VSTM4: variants seen among roughly 807,000 people sequenced by gnomAD.
The protein encoded by VSTM4 is V-set and transmembrane domain-containing protein 4.
VSTM4 carries 20 observed loss-of-function variants against 36.4 expected under a neutral mutation model. The ratio of observed to expected loss-of-function variants is 0.55; its 90% CI spans 0.39 to 0.80. The LOEUF is 0.80. Among genes scored for constraint, VSTM4 ranks in the 30% least tolerant of loss-of-function variants. The pLI is 0.00. For synonymous variants in VSTM4, 182 were observed against 173.9 expected (o/e 1.05, Z -0.37); for missense variants, 392 against 404.5 (o/e 0.97, Z 0.26).
intron 7 of VSTM4, among the ~76,000 whole-genome samples, chr10:49,036,262 G>A (rs1049727002): frequency 9.9e-5 from 15 of 152,022 alleles, no homozygotes; most frequent in South Asian, 2.1e-4. Flanking sequence ...ATAACTCCCC[G>A]CAACAATAAT....
chr10:49,043,342 G>A lies in VSTM4; in HGVS notation c.837+3641C>T, dbSNP rs867635375. Among the ~76,000 whole-genome samples the A allele has an allele frequency of 2.0e-4, 30 of 152,148 alleles. No homozygotes were observed. The Middle Eastern group carries it at 0.017, about 87-fold the overall frequency. On this transcript the variant is annotated intron_variant, in intron 7 of 7. Transcript: ENST00000332853. ...GTTAAATAAACTATACATTAAAATC[G>A]GTTTCATCTGTTACTTTTCAAACCT...
At position 49,103,531 on chromosome 10, in the gene VSTM4, A is replaced by G. The variant is rs1002136448; in HGVS notation, c.457+4063T>C. On this transcript the variant is annotated intron_variant, in intron 2 of 7. Transcript: ENST00000332853. ...TTACACTATATTACTTTTGCAATAGAAAACAACCAACATATGGAAATCAGG... is the reference window on the plus strand; with the variant it reads ...TTACACTATATTACTTTTGCAATAGGAAACAACCAACATATGGAAATCAGG... 2.3e-6 allele frequency: 3 copies of G among 1,304,898 alleles called. No individual in the cohort carries two copies. In the Admixed American group the frequency reaches 1.1e-4, roughly 47 times the overall value. 80.8% of individuals were successfully genotyped at this position (1,304,898 alleles called of 1,614,324 possible). A position where few individuals can be genotyped will look rare whatever the true frequency, so the allele number is the denominator to read the frequency against.
intron 1 of VSTM4, among the ~76,000 whole-genome samples, chr10:49,110,681 T>C (rs776894673): frequency 7.2e-5 from 11 of 151,958 alleles, no homozygotes; most frequent in Non-Finnish European, 1.0e-4. Context: ...ATGGTCTTTA[T>C]AAGAAGAGGA....
chr10:49,023,087 C>T (rs1210017738), intron 7 of VSTM4, among the ~76,000 whole-genome samples: 2 of 152,194 alleles, frequency 1.3e-5, no homozygotes, highest in Non-Finnish European at 2.9e-5. Context: ...ACTTCAATTA[C>T]TGCTACAAGC....
At chr10:49,091,975 G>A (rs4838445) in intron 2 of VSTM4, among the ~76,000 whole-genome samples, 18,426 of 152,216 alleles carry the variant, frequency 0.12, 1,748 homozygotes, top group African/African-American at 0.26. Context: ...GGCGGGCCAA[G>A]AGGAAGAACG....
chr10:49,043,588 G>A (rs1564571064), intron 7 of VSTM4, among the ~76,000 whole-genome samples: 2 of 151,974 alleles, frequency 1.3e-5, no homozygotes, highest in Non-Finnish European at 2.9e-5. Context: ...GGCAAGTAAA[G>A]GTAATGAAGG....
chr10:49,066,243 C>T (rs1453918150), intron 4 of VSTM4, among the ~76,000 whole-genome samples: 2 of 152,184 alleles, frequency 1.3e-5, no homozygotes, highest in Non-Finnish European at 2.9e-5. Context: ...GCACACCATC[C>T]TGGAGACCTG....
At chr10:49,024,113 G>A (rs986750771) in intron 7 of VSTM4, among the ~76,000 whole-genome samples, 1 of 152,180 alleles carries the variant, frequency 6.6e-6, no homozygotes, top group South Asian at 2.1e-4. Context: ...TCCCAGGGCT[G>A]TTTGGTTTTA....
intron 7 of VSTM4, among the ~76,000 whole-genome samples, chr10:49,041,837 C>CGAT (rs767995683): frequency 6.6e-6 from 1 of 152,142 alleles, no homozygotes; most frequent in Admixed American, 6.5e-5. Flanking sequence ...GAATTAAATA[C>CGAT]GATGACATGC....
chr10:49,060,230 C>T lies in VSTM4; in HGVS notation c.668+4473G>A, dbSNP rs4468265. Among the ~76,000 whole-genome samples, 880 of 152,308 alleles carry T rather than the reference C, an allele frequency of 5.8e-3. 8 individuals are homozygous for T. Among genetic ancestry groups the T allele is most frequent in the Non-Finnish European group, 8.5e-3 (575 of 68,016 alleles). ...GTTCTCTTGGATAGATTCCTATGAGCGGAATTGCTGGGTCATAGGGTAACT... is the reference window on the plus strand; with the variant it reads ...GTTCTCTTGGATAGATTCCTATGAGTGGAATTGCTGGGTCATAGGGTAACT... On this transcript the variant is annotated intron_variant, in intron 5 of 7. Transcript: ENST00000332853.
chr10:49,031,831 C>T (rs529248829), intron 7 of VSTM4, among the ~76,000 whole-genome samples: 2 of 152,260 alleles, frequency 1.3e-5, no homozygotes, highest in Admixed American at 6.5e-5. Context: ...CCACACGTCC[C>T]TCTTGCTGAC....
intron 2 of VSTM4, chr10:49,102,539 C>T: frequency 4.1e-6 from 4 of 985,428 alleles, no homozygotes; most frequent in Non-Finnish European, 4.8e-6. Context: ...AAAACAGAAG[C>T]TACAAGATGT....
intron 2 of VSTM4, 149 bp from the exon 3 acceptor site, chr10:49,086,172 C>A: frequency 3.9e-6 from 2 of 507,010 alleles, no homozygotes; most frequent in Non-Finnish European, 7.1e-6. Context: ...AGGACTTTAC[C>A]TAACAGTTGG....
intron 5 of VSTM4, among the ~76,000 whole-genome samples, chr10:49,051,030 C>T (rs1843689205): frequency 6.6e-6 from 1 of 152,234 alleles, no homozygotes; most frequent in Non-Finnish European, 1.5e-5. Context: ...TTTGCTACAA[C>T]TGAGGAACCG....
intron 7 of VSTM4, among the ~76,000 whole-genome samples, chr10:49,037,904 T>A (rs187104324): frequency 1.3e-5 from 2 of 150,514 alleles, no homozygotes; most frequent in Admixed American, 1.3e-4. Context: ...CACAATGAGA[T>A]ACCACCTCAC....
intron 7 of VSTM4, among the ~76,000 whole-genome samples, chr10:49,034,285 A>G (rs1456622676): frequency 2.0e-5 from 3 of 152,082 alleles, no homozygotes; most frequent in African/African-American, 7.2e-5. Flanking sequence ...TATCATCATC[A>G]TCACAGTAGT....
At chr10:49,067,196 A>G (rs1259578881) in intron 4 of VSTM4, among the ~76,000 whole-genome samples, 4 of 147,014 alleles carry the variant, frequency 2.7e-5, no homozygotes, top group African/African-American at 1.1e-4. Context: ...TTAGATGTCA[A>G]CAAAAAAATG....
intron 2 of VSTM4, among the ~76,000 whole-genome samples, chr10:49,087,532 G>T (rs976264126): frequency 2.0e-5 from 3 of 152,174 alleles, no homozygotes; most frequent in Non-Finnish European, 4.4e-5. Flanking sequence ...TCCAATCAGG[G>T]TTTGAACTGT....
chr10:49,030,157 G>A (rs1462834152), intron 7 of VSTM4, among the ~76,000 whole-genome samples: 1 of 152,188 alleles, frequency 6.6e-6, no homozygotes, highest in Admixed American at 6.5e-5. Flanking sequence ...AAGACGTCCA[G>A]GGGCATTTTC....
Sources: allele counts gnomAD v4.1 joint callset (sites outside exome capture counted in the v4.1 genomes callset), GRCh38; gene constraint gnomAD v4.1.1; transcripts MANE v1.5; gene names NCBI Gene and HGNC (gene_info 2026-07-23, HGNC 2026-07-21).